The following TMEM119 variants were observed in gnomAD, a reference collection of about 807,000 sequenced individuals.
The protein encoded by TMEM119 is osteoblast induction factor.
For missense variants in TMEM119, 410 were observed against 381.0 expected (o/e 1.08, Z -0.63); for synonymous variants, 182 against 176.4 (o/e 1.03, Z -0.25).
chr12:108,596,101 T>C (rs2031500019), intron 1 of TMEM119, among the ~76,000 whole-genome samples: 1 of 152,102 alleles, frequency 6.6e-6, no homozygotes, highest in Non-Finnish European at 1.5e-5. Flanking sequence ...TAGGGCCAAA[T>C]GAGACAACTT....
Position 108,591,420 on chromosome 12 carries a change from G to C in TMEM119, c.*112C>G, listed in dbSNP as rs1374657594. ...AGCACATGCTGGGATTGGCACCACA[G>C]GGAGGCCAAGGAGGGAGTGTCAGGA... On this transcript the variant is annotated 3_prime_UTR_variant, in exon 2 of 2. Transcript: ENST00000392806. The surrounding 1 kb of genome is among the most constrained non-coding windows in gnomAD (Gnocchi z 4.2). 2 of 1,272,944 alleles carry C rather than the reference G, an allele frequency of 1.6e-6. No individual in the cohort carries two copies. The highest frequency in any genetic ancestry group is 2.1e-6 in the Non-Finnish European group (2 of 931,810). 78.9% of individuals were successfully genotyped at this position (1,272,944 alleles called of 1,614,324 possible).
At position 108,592,459 on chromosome 12, in the gene TMEM119, C is replaced by T; in HGVS notation, c.-14-62G>A. On this transcript the variant is annotated intron_variant, in intron 1 of 1. Transcript: ENST00000392806. This position sits in a 1 kb window ranked among gnomAD's most constrained non-coding sequence, Gnocchi z 4.3. ...ACTCTAGAGTGTCAGGATTCAGAAA[C>T]AGGCTCACCAGCCCCCAGGAGGAAC... is the stretch of plus-strand genomic sequence containing the variant. The T allele has an allele frequency of 6.8e-7, 1 of 1,466,546 alleles. No homozygotes were observed. The highest frequency in any genetic ancestry group is 9.0e-7 in the Non-Finnish European group (1 of 1,109,940). The allele number at this position is 1,466,546 out of a possible 1,614,324, so 90.8% of individuals were successfully genotyped here.
rs750559528 is a variant in TMEM119, at chr12:108,591,718, A to G, written c.666T>C (p.His222=). The G allele has an allele frequency of 3.1e-6, 5 of 1,611,286 alleles. No individual in the cohort carries two copies. Among genetic ancestry groups the G allele is most frequent in the South Asian group, 2.2e-5 (2 of 90,810 alleles). ...CCTCTGGTGTCTCCACTGGGACCCC[A>G]TGTCCCTGGACTTCCTGGTCCCCCT... is the stretch of plus-strand genomic sequence containing the variant. ...SQEGDQEVQG[H]GVPVETPEAQ... The change falls in exon 2 of 2, where the codon CAT becomes CAC. Residue 222 remains histidine (H), a synonymous_variant. Coordinates refer to ENST00000392806, the MANE Select transcript of TMEM119 (RefSeq NM_181724.3). This position sits in a 1 kb window ranked among gnomAD's most constrained non-coding sequence, Gnocchi z 4.2.
At position 108,592,224 on chromosome 12, in the gene TMEM119, G is replaced by T. The variant is rs1254356697; in HGVS notation, c.160C>A (p.Leu54Ile). The T allele has an allele frequency of 4.3e-6, 7 of 1,611,880 alleles. No homozygotes were observed. In the Admixed American group the frequency reaches 1.0e-4, roughly 23 times the overall value. The part of the protein sequence containing the change: ...AEGSSASSPS[L>I]PPPWTPALSP... ...AGGGCCGGGGTCCAGGGTGGCGGGA[G>T]GCTCGGGGAGGAGGCCGACGAGCCC... Residue 54 changes from leucine (L) to isoleucine (I), a missense_variant, in exon 2 of 2, where the codon CTC becomes ATC. Leu to Ile is a conservative substitution (Grantham distance 5). Transcript: ENST00000392806. The surrounding 1 kb of genome is among the most constrained non-coding windows in gnomAD (Gnocchi z 4.3).
chr12:108,592,205 G>A lies in TMEM119; in HGVS notation c.179C>T (p.Pro60Leu), dbSNP rs150605225. 212 of 1,613,298 alleles carry A rather than the reference G, an allele frequency of 1.3e-4. 2 individuals are homozygous for A. Among genetic ancestry groups the A allele is most frequent in the Admixed American group, 8.8e-4 (53 of 59,996 alleles). ...CCCCATCGATGTGGGGCTGAGGGCCGGGGTCCAGGGTGGCGGGAGGCTCGG... is the reference window on the plus strand; with the variant it reads ...CCCCATCGATGTGGGGCTGAGGGCCAGGGTCCAGGGTGGCGGGAGGCTCGG... ...SSPSLPPPWT[P>L]ALSPTSMGPQ... Residue 60 changes from proline (P) to leucine (L), a missense_variant, in exon 2 of 2, where the codon CCG (proline) becomes CTG (leucine). Physicochemically the swap from Pro to Leu is moderately conservative, Grantham distance 98 (BLOSUM62 -3). Transcript: ENST00000392806. This position sits in a 1 kb window ranked among gnomAD's most constrained non-coding sequence, Gnocchi z 4.3.
rs1328999911 is a variant in TMEM119, at chr12:108,592,679, CCT to C, written c.-14-284_-14-283del. 6.6e-6 allele frequency among the ~76,000 whole-genome samples: 1 copy of C among 151,922 alleles called. No homozygotes were observed. Among genetic ancestry groups the C allele is most frequent in the African/African-American group, 2.4e-5 (1 of 41,358 alleles). On this transcript the variant is annotated intron_variant, in intron 1 of 1. Transcript: ENST00000392806. The surrounding 1 kb of genome is among the most constrained non-coding windows in gnomAD (Gnocchi z 4.3). ...TTCAGTAAGTGCTCAATAAATGTAC[CCT>C]GACTGACGTGGCTGAATTAATAATG...
chr12:108,591,322 G>T lies in TMEM119; in HGVS notation c.*210C>A. 1.7e-6 allele frequency: 1 copy of T among 579,574 alleles called. No homozygotes were observed. The highest frequency in any genetic ancestry group is 3.0e-5 in the East Asian group (1 of 33,266). 35.9% of individuals were successfully genotyped at this position (579,574 alleles called of 1,614,324 possible). On this transcript the variant is annotated 3_prime_UTR_variant, in exon 2 of 2. Coordinates refer to ENST00000392806, the MANE Select transcript of TMEM119 (RefSeq NM_181724.3). The surrounding 1 kb of genome is among the most constrained non-coding windows in gnomAD (Gnocchi z 4.2). ...GGATGTAGCCCTTTGGGGCTGCTGA[G>T]GTGAAGGATGATGGCACTTGGTAAG...
At position 108,591,370 on chromosome 12, in the gene TMEM119, C is replaced by A. The variant is rs988813800; in HGVS notation, c.*162G>T. The stretch of plus-strand genomic sequence containing the variant: ...AAGATTCCTCCGGGGCACCGGGGAC[C>A]AGCATTTCTGCCTGCTGTAGAATCA... On this transcript the variant is annotated 3_prime_UTR_variant, in exon 2 of 2. Coordinates refer to ENST00000392806, the MANE Select transcript of TMEM119 (RefSeq NM_181724.3). This position sits in a 1 kb window ranked among gnomAD's most constrained non-coding sequence, Gnocchi z 4.2. 1 of 841,640 alleles carries A rather than the reference C, an allele frequency of 1.2e-6. No individual in the cohort carries two copies. The highest frequency in any genetic ancestry group is 1.8e-6 in the Non-Finnish European group (1 of 561,426). 52.1% of individuals were successfully genotyped at this position (841,640 alleles called of 1,614,324 possible).
At chr12:108,594,831 T>G (rs2031478127) in intron 1 of TMEM119, among the ~76,000 whole-genome samples, 1 of 151,932 alleles carries the variant, frequency 6.6e-6, no homozygotes, top group Non-Finnish European at 1.5e-5. Context: ...CTTGGGAGGA[T>G]CGCTTGAGCC....
intron 1 of TMEM119, among the ~76,000 whole-genome samples, chr12:108,595,400 A>G (rs893008694): frequency 1.4e-5 from 2 of 146,338 alleles, no homozygotes; most frequent in Non-Finnish European, 3.0e-5. Context: ...ATGCACACAC[A>G]TACCACACAC....
rs1485394120 is a variant in TMEM119, at chr12:108,596,447, C to CAA, written c.-15+1522_-15+1523insTT. ...TACATACAACACACACACACACACA[C>CAA]ACACGAAGTCAGAGGCAGAGGGCAA... On this transcript the variant is annotated intron_variant, in intron 1 of 1. Transcript: ENST00000392806. Among the ~76,000 whole-genome samples the CAA allele has an allele frequency of 3.9e-5, 6 of 152,070 alleles. No individual in the cohort carries two copies. In the East Asian group the frequency reaches 1.2e-3, roughly 29 times the overall value.
chr12:108,596,056 A>G (rs1323250987), intron 1 of TMEM119, among the ~76,000 whole-genome samples: 1 of 152,160 alleles, frequency 6.6e-6, no homozygotes, highest in African/African-American at 2.4e-5. Flanking sequence ...GTAAGTTGGG[A>G]CAGGGTGACC....
At position 108,591,613 on chromosome 12, in the gene TMEM119, GA is replaced by G; in HGVS notation, c.770del (p.Leu257ProfsTer3). 1 of 1,613,936 alleles carries G rather than the reference GA, an allele frequency of 6.2e-7. No homozygotes were observed. The highest frequency in any genetic ancestry group is 8.5e-7 in the Non-Finnish European group (1 of 1,179,962). ...GEGQGELEGS[L>X]LLAQEAQGPV... ...GTCCCTGGGCTTCCTGGGCTAACAA[GA>G]GAGACCCTTCCAGCTCCCCTTGGCC... is the stretch of plus-strand genomic sequence containing the variant. On this transcript the variant is annotated frameshift_variant, in exon 2 of 2. Coordinates refer to ENST00000392806, the MANE Select transcript of TMEM119 (RefSeq NM_181724.3). LOFTEE classifies it low-confidence loss of function (END_TRUNC). This position sits in a 1 kb window ranked among gnomAD's most constrained non-coding sequence, Gnocchi z 4.2.
In TMEM119 at chr12:108,591,493, G is replaced by A. The variant is rs1245321288; in HGVS notation, c.*39C>T. ...TTCATACACGGGGAGGTGACCACTTGGGGGCCCGACAGTCAGGGCTGGCAG... is the reference window on the plus strand; with the variant it reads ...TTCATACACGGGGAGGTGACCACTTAGGGGCCCGACAGTCAGGGCTGGCAG... On this transcript the variant is annotated 3_prime_UTR_variant, in exon 2 of 2. Transcript: ENST00000392806. This position sits in a 1 kb window ranked among gnomAD's most constrained non-coding sequence, Gnocchi z 4.2. The A allele has an allele frequency of 6.5e-7, 1 of 1,533,976 alleles. No homozygotes were observed. Among genetic ancestry groups the A allele is most frequent in the African/African-American group, 1.4e-5 (1 of 72,572 alleles).
intron 1 of TMEM119, chr12:108,594,412 C>T (rs2031469670): frequency 2.0e-5 from 3 of 151,912 alleles, no homozygotes; most frequent in Admixed American, 2.0e-4. Context: ...AAAAATTAGC[C>T]AGGCCTAGTG....
rs1218675221 is a variant in TMEM119 at position 108,592,562 on chromosome 12, G to A, written c.-14-165C>T. 6.6e-6 allele frequency among the ~76,000 whole-genome samples: 1 copy of A among 152,184 alleles called. No homozygotes were observed. Among genetic ancestry groups the A allele is most frequent in the Non-Finnish European group, 1.5e-5 (1 of 68,030 alleles). ...CCCGCTGGTTCAGCTGTGGAGTACA[G>A]ATGTGCTCCCCCACTTCTCTGGAGG... On this transcript the variant is annotated intron_variant, in intron 1 of 1. Transcript: ENST00000392806. This position sits in a 1 kb window ranked among gnomAD's most constrained non-coding sequence, Gnocchi z 4.3.
chr12:108,597,492 C>T (rs2031523473), intron 1 of TMEM119, among the ~76,000 whole-genome samples: 1 of 151,942 alleles, frequency 6.6e-6, no homozygotes, highest in Non-Finnish European at 1.5e-5. Flanking sequence ...AGCATGGACA[C>T]ACAATATAAA....
At position 108,592,067 on chromosome 12, in the gene TMEM119, A is replaced by C. The variant is rs923174378; in HGVS notation, c.317T>G (p.Phe106Cys). 3 of 1,613,994 alleles carry C rather than the reference A, an allele frequency of 1.9e-6. No individual in the cohort carries two copies. Among genetic ancestry groups the C allele is most frequent in the African/African-American group, 1.3e-5 (1 of 74,904 alleles). ...MLIAVVGSLA[F>C]LLMFIVCAAV... The stretch of plus-strand genomic sequence containing the variant: ...GGCACAGACGATGAACATCAGCAGA[A>C]AGGCCAGGGAGCCCACCACAGCAAT... The change falls in exon 2 of 2, where the codon TTT becomes TGT. Residue 106 changes from phenylalanine to cysteine, a missense_variant. Phe to Cys is a radical substitution (Grantham distance 205). Transcript: ENST00000392806. The surrounding 1 kb of genome is among the most constrained non-coding windows in gnomAD (Gnocchi z 4.3).
At chr12:108,593,002 T>C (rs7962995) in intron 1 of TMEM119, among the ~76,000 whole-genome samples, 82,470 of 151,376 alleles carry the variant, frequency 0.54, 23,919 homozygotes, top group East Asian at 0.84. Context: ...ACCCTTCCCT[T>C]CAGTCCCCAG....
Sources: allele counts gnomAD v4.1 joint callset (sites outside exome capture counted in the v4.1 genomes callset), GRCh38; gene constraint gnomAD v4.1.1; non-coding constraint Gnocchi (gnomAD v3.1); transcripts MANE v1.5; gene names NCBI Gene and HGNC (gene_info 2026-07-23, HGNC 2026-07-21).